Variants in NT5DC1 observed in about 807,000 individuals in gnomAD.
The protein encoded by NT5DC1 is 5'-nucleotidase domain containing 1, also known as 5'-nucleotidase domain-containing protein 1.
Under a neutral mutation model 59.4 loss-of-function variants are expected in NT5DC1, and 42 were observed. The ratio of observed to expected loss-of-function variants is 0.71; its 90% CI spans 0.55 to 0.92. NT5DC1 has a LOEUF of 0.92. NT5DC1 is among the 40% of genes least tolerant of loss of function. The probability of loss-of-function intolerance (pLI) is 0.00; values close to 1 mark genes in which losing one functional copy is unlikely to be tolerated. For synonymous variants in NT5DC1, 172 were observed against 188.1 expected (o/e 0.91, Z 0.70); for missense variants, 501 against 537.1 (o/e 0.93, Z 0.66).
At chr6:116,183,667 T>G (rs1165366803) in intron 6 of NT5DC1, among the ~76,000 whole-genome samples, 1 of 151,882 alleles carries the variant, frequency 6.6e-6, no homozygotes, top group African/African-American at 2.4e-5. Flanking sequence ...GCAGCTTTTA[T>G]AAAAGGGGTT....
intron 9 of NT5DC1, chr6:116,237,577 T>G: frequency 2.2e-6 from 1 of 453,144 alleles, no homozygotes. Context: ...GATGGAGCAG[T>G]CTGACTTGCA....
At position 116,106,948 on chromosome 6, in the gene NT5DC1, T is replaced by C. The variant is rs189352477; in HGVS notation, c.185+613T>C. ...TGGCAATTCTGTAATCCCAGCACTT[T>C]GGGAGGCTGAGGTGGGCAGATTGCT... On this transcript the variant is annotated intron_variant, in intron 2 of 11. Transcript: ENST00000319550. Among the ~76,000 whole-genome samples, 4 of 152,204 alleles carry C rather than the reference T, an allele frequency of 2.6e-5. No individual in the cohort carries two copies. The South Asian group carries it at 6.2e-4, about 24-fold the overall frequency.
chr6:116,163,504 C>A (rs1348551718), intron 6 of NT5DC1, among the ~76,000 whole-genome samples: 2 of 151,554 alleles, frequency 1.3e-5, no homozygotes, highest in African/African-American at 4.8e-5. Flanking sequence ...TTATTTGAGT[C>A]CTCTTTTTTT....
intron 6 of NT5DC1, among the ~76,000 whole-genome samples, chr6:116,151,980 T>C (rs1780053178): frequency 6.6e-6 from 1 of 152,214 alleles, no homozygotes; most frequent in African/African-American, 2.4e-5. Flanking sequence ...AAAACACTTA[T>C]TTTACTAAGC....
At chr6:116,128,569 A>G (rs1169775928) in intron 6 of NT5DC1, among the ~76,000 whole-genome samples, 1 of 152,146 alleles carries the variant, frequency 6.6e-6, no homozygotes, top group Non-Finnish European at 1.5e-5. Flanking sequence ...TCATTTGTAC[A>G]TCTGTGGATC....
chr6:116,156,104 G>A (rs1780186179), intron 6 of NT5DC1, among the ~76,000 whole-genome samples: 1 of 152,048 alleles, frequency 6.6e-6, no homozygotes, highest in Non-Finnish European at 1.5e-5. Flanking sequence ...GTTATGTAAA[G>A]GTCAATAATA....
At chr6:116,234,647 T>A (rs1782081986) in intron 8 of NT5DC1, among the ~76,000 whole-genome samples, 1 of 152,180 alleles carries the variant, frequency 6.6e-6, no homozygotes, top group Non-Finnish European at 1.5e-5. Flanking sequence ...AGCCTACATT[T>A]TTAAATATTA....
In NT5DC1 at chr6:116,125,657, C is replaced by T. The variant is rs1582818300; in HGVS notation, c.529+7712C>T. 15 of 627,874 alleles carry T rather than the reference C, an allele frequency of 2.4e-5. No individual in the cohort carries two copies. In the East Asian group the frequency reaches 4.7e-4, roughly 20 times the overall value. 38.9% of individuals were successfully genotyped at this position (627,874 alleles called of 1,614,324 possible). ...TATGTGCCATAAATAAATGAGAGAT[C>T]ATTTTTTAGTTATGTGAATATATGT... On this transcript the variant is annotated intron_variant, in intron 6 of 11. Transcript: ENST00000319550.
At chr6:116,172,317 CTTT>C (rs71554843) in intron 6 of NT5DC1, among the ~76,000 whole-genome samples, 3 of 108,018 alleles carry the variant, frequency 2.8e-5, no homozygotes, top group African/African-American at 7.2e-5. Context: ...CCCTTAGTAA[CTTT>C]TTTTTTTTTT....
chr6:116,197,141 C>A lies in NT5DC1; in HGVS notation c.530-23913C>A, dbSNP rs935471116. ...CTCCATTTGTAGTGGGCCAGCTGCC[C>A]TCCTCACCTCTACTATCTTCTGCTC... On this transcript the variant is annotated intron_variant, in intron 6 of 11. Transcript: ENST00000319550. 2.0e-5 allele frequency among the ~76,000 whole-genome samples: 3 copies of A among 151,934 alleles called. No homozygotes were observed. In the East Asian group the frequency reaches 5.9e-4, roughly 30 times the overall value.
chr6:116,181,605 T>C (rs1432058798), intron 6 of NT5DC1, among the ~76,000 whole-genome samples: 1 of 152,090 alleles, frequency 6.6e-6, no homozygotes, highest in Non-Finnish European at 1.5e-5. Flanking sequence ...TCACCACTTT[T>C]TTTCATTACA....
At chr6:116,135,834 G>GTTATATATAT (rs1779577029) in intron 6 of NT5DC1, among the ~76,000 whole-genome samples, 2 of 102,354 alleles carry the variant, frequency 2.0e-5, no homozygotes, top group Non-Finnish European at 4.0e-5. Context: ...TATATTTTCA[G>GTTATATATAT]ATATATATAT....
intron 1 of NT5DC1, among the ~76,000 whole-genome samples, chr6:116,102,285 T>A (rs1582801413): frequency 6.6e-6 from 1 of 152,318 alleles, no homozygotes; most frequent in East Asian, 1.9e-4. Context: ...CTGCCCGAAT[T>A]TCTCGTGTGT....
chr6:116,241,933 AAAAAAC>A (rs1562178950), intron 11 of NT5DC1, among the ~76,000 whole-genome samples: 7 of 28,258 alleles, frequency 2.5e-4, no homozygotes, highest in African/African-American at 8.2e-4. Context: ...AAAAAAAAAA[AAAAAAC>A]AAAACAAAAA....
intron 6 of NT5DC1, among the ~76,000 whole-genome samples, chr6:116,138,723 T>A (rs1779688045): frequency 6.6e-6 from 1 of 152,182 alleles, no homozygotes; most frequent in Non-Finnish European, 1.5e-5. Context: ...TATGAATCCT[T>A]ACTAATGGGG....
intron 6 of NT5DC1, among the ~76,000 whole-genome samples, chr6:116,166,096 G>A (rs1045362857): frequency 2.0e-5 from 3 of 152,102 alleles, no homozygotes; most frequent in Non-Finnish European, 4.4e-5. Context: ...CTTATTGCAG[G>A]GGTGAAGGGA....
intron 6 of NT5DC1, among the ~76,000 whole-genome samples, chr6:116,178,588 G>T (rs1780803471): frequency 6.6e-6 from 1 of 152,216 alleles, no homozygotes; most frequent in South Asian, 2.1e-4. Flanking sequence ...AAATTACCAA[G>T]TGTTCCCACC....
At chr6:116,185,245 CT>C (rs1780971219) in intron 6 of NT5DC1, among the ~76,000 whole-genome samples, 1 of 152,024 alleles carries the variant, frequency 6.6e-6, no homozygotes, top group Admixed American at 6.6e-5. Context: ...TAATTTCAGT[CT>C]TCTTAAATTT....
At chr6:116,173,653 A>G (rs1211517661) in intron 6 of NT5DC1, among the ~76,000 whole-genome samples, 2 of 152,128 alleles carry the variant, frequency 1.3e-5, no homozygotes. Context: ...CTTTTCCTGC[A>G]CATATTATTT....
Sources: allele counts gnomAD v4.1 joint callset (sites outside exome capture counted in the v4.1 genomes callset), GRCh38; gene constraint gnomAD v4.1.1; transcripts MANE v1.5; gene names NCBI Gene and HGNC (gene_info 2026-07-23, HGNC 2026-07-21).